Variants in FAM200C observed in about 807,000 individuals in gnomAD.
chr5:160,394,945 C>A, the FAM200C span: 1 of 1,613,450 alleles, frequency 6.2e-7, no homozygotes, highest in Non-Finnish European at 8.5e-7. Flanking sequence ...TGCAGTCATC[C>A]ATGTCAGTTG....
At chr5:160,394,979 T>G in the FAM200C span, 1 of 1,613,864 alleles carries the variant, frequency 6.2e-7, no homozygotes, top group Non-Finnish European at 8.5e-7. Flanking sequence ...AATACCCACT[T>G]TAAGAGGACT....
At chr5:160,398,944 GA>G in the FAM200C span, among the ~76,000 whole-genome samples, 1 of 152,196 alleles carries the variant, frequency 6.6e-6, no homozygotes, top group Non-Finnish European at 1.5e-5. Flanking sequence ...ATTTACAAGT[GA>G]AATAAGATGT....
chr5:160,395,195 G>A, the FAM200C span: 39 of 1,613,444 alleles, frequency 2.4e-5, no homozygotes, highest in Non-Finnish European at 3.1e-5. Flanking sequence ...ACATAAATAC[G>A]CAAATTGATA....
chr5:160,399,970 G>C, the FAM200C span: 2 of 152,278 alleles, frequency 1.3e-5, no homozygotes, highest in Non-Finnish European at 2.9e-5. Flanking sequence ...CCAACCCCCG[G>C]GCAGGAATCT....
chr5:160,393,860 C>T, the FAM200C span: 1 of 1,613,992 alleles, frequency 6.2e-7, no homozygotes, highest in Non-Finnish European at 8.5e-7. Flanking sequence ...TCCCAACTCA[C>T]AAAGGTATGT....
the FAM200C span, chr5:160,394,353 A>C: frequency 6.2e-7 from 1 of 1,613,980 alleles, no homozygotes; most frequent in Non-Finnish European, 8.5e-7. Context: ...TGTTTGAATA[A>C]ATCTGCAAGG....
chr5:160,398,325 G>A, the FAM200C span, among the ~76,000 whole-genome samples: 3 of 151,694 alleles, frequency 2.0e-5, no homozygotes, highest in African/African-American at 4.8e-5. Context: ...CGAGGAAGGC[G>A]GATCACCTGA....
the FAM200C span, chr5:160,394,732 G>C: frequency 6.2e-7 from 1 of 1,614,088 alleles, no homozygotes; most frequent in Non-Finnish European, 8.5e-7. Context: ...CAACAAACTC[G>C]GAATTTTCTC....
the FAM200C span, chr5:160,395,470 C>T: frequency 1.9e-6 from 3 of 1,613,880 alleles, no homozygotes; most frequent in Admixed American, 3.3e-5. Context: ...AGTCATCATC[C>T]CATTTGCGTT....
chr5:160,398,485 G>A, the FAM200C span, among the ~76,000 whole-genome samples: 5 of 152,190 alleles, frequency 3.3e-5, no homozygotes, highest in Non-Finnish European at 7.3e-5. Flanking sequence ...GCAGTGAGCC[G>A]AGATGATGCC....
the FAM200C span, chr5:160,394,954 T>C: frequency 6.2e-7 from 1 of 1,613,618 alleles, no homozygotes; most frequent in South Asian, 1.1e-5. Context: ...CCATGTCAGT[T>C]GTCTCAGCAA....
At chr5:160,397,216 T>C in the FAM200C span, among the ~76,000 whole-genome samples, 3 of 152,184 alleles carry the variant, frequency 2.0e-5, no homozygotes, top group East Asian at 3.9e-4. Flanking sequence ...TAGTCAGGCT[T>C]AGGGGAATAA....
At chr5:160,398,791 T>A in the FAM200C span, among the ~76,000 whole-genome samples, 3 of 152,034 alleles carry the variant, frequency 2.0e-5, no homozygotes, top group South Asian at 2.1e-4. Context: ...GCACTTGCGC[T>A]TTTGTGGTAT....
At chr5:160,395,206 C>T in the FAM200C span, 43 of 1,613,578 alleles carry the variant, frequency 2.7e-5, no homozygotes, top group African/African-American at 1.1e-4. Flanking sequence ...CAAATTGATA[C>T]GATGCTTGTA....
At chr5:160,395,186 C>T in the FAM200C span, 1 of 1,613,674 alleles carries the variant, frequency 6.2e-7, no homozygotes, top group African/African-American at 1.3e-5. Context: ...CTCCTTGGCA[C>T]ATAAATACGC....
chr5:160,395,120 G>A, the FAM200C span: 1 of 1,613,960 alleles, frequency 6.2e-7, no homozygotes, highest in Non-Finnish European at 8.5e-7. Context: ...AACTATTTGT[G>A]CTATTTCCAG....
At chr5:160,396,698 G>GGA in the FAM200C span, among the ~76,000 whole-genome samples, 15 of 48,384 alleles carry the variant, frequency 3.1e-4, no homozygotes, top group African/African-American at 7.7e-4. Context: ...AGTCTCTGTG[G>GGA]AAAAAAAAAA....
chr5:160,394,138 C>A, the FAM200C span: 8 of 1,613,308 alleles, frequency 5.0e-6, no homozygotes, highest in Admixed American at 3.3e-5. Context: ...TCAATTGTTG[C>A]AGATGCAGTG....
the FAM200C span, chr5:160,395,132 G>A: frequency 6.2e-7 from 1 of 1,613,930 alleles, no homozygotes; most frequent in Non-Finnish European, 8.5e-7. Flanking sequence ...TATTTCCAGT[G>A]CACAAGGTTT....
Sources: gnomAD v4.1 joint callset for allele counts (sites outside exome capture counted in the v4.1 genomes callset) on GRCh38, gnomAD v4.1.1 for gene constraint, MANE v1.5 for transcripts.